Variants in CTNNA3 observed in about 807,000 individuals in gnomAD.
CTNNA3 encodes catenin alpha 3.
CTNNA3 carries 76 observed loss-of-function variants against 95.7 expected under a neutral mutation model. That is an observed-to-expected ratio of 0.79 (90% CI 0.66 to 0.96). CTNNA3 has a LOEUF of 0.96. Among genes scored for constraint, CTNNA3 ranks in the 40% least tolerant of loss-of-function variants. The pLI is 0.00. For synonymous variants in CTNNA3, 431 were observed against 374.4 expected, an observed-to-expected ratio of 1.15 and a Z score of -1.74; for missense variants, 1,191 against 1,089.8, an observed-to-expected ratio of 1.09 and a Z score of -1.31.
At chr10:66,571,794 T>A (rs1842873943) in intron 10 of CTNNA3, among the ~76,000 whole-genome samples, 1 of 152,114 alleles carries the variant, frequency 6.6e-6, no homozygotes, top group Admixed American at 6.5e-5. Flanking sequence ...AACAACCTTG[T>A]TATGCAGTTA....
At chr10:67,464,571 C>T (rs748438553) in intron 5 of CTNNA3, among the ~76,000 whole-genome samples, 3 of 152,112 alleles carry the variant, frequency 2.0e-5, no homozygotes, top group Non-Finnish European at 4.4e-5. Flanking sequence ...AAGAGCCCAG[C>T]AGACCTTTTG....
intron 5 of CTNNA3, among the ~76,000 whole-genome samples, chr10:67,511,089 G>T (rs181501806): frequency 1.2e-4 from 18 of 152,198 alleles, no homozygotes; most frequent in East Asian, 3.9e-4. Context: ...AAGGAGATTT[G>T]GGGCTGAGAC....
intron 7 of CTNNA3, among the ~76,000 whole-genome samples, chr10:66,818,454 A>T (rs1012506555): frequency 1.1e-4 from 16 of 152,256 alleles, no homozygotes; most frequent in African/African-American, 3.6e-4. Context: ...TGTGAAAATC[A>T]TCTCTATATC....
chr10:66,432,339 T>G (rs528224126), intron 11 of CTNNA3, among the ~76,000 whole-genome samples: 9 of 150,786 alleles, frequency 6.0e-5, no homozygotes, highest in Admixed American at 4.7e-4. Flanking sequence ...GCGATACGCA[T>G]TTTTTAAAAT....
chr10:67,566,041 G>GTATATATATATATATATATATATATATA (rs1388066358), intron 3 of CTNNA3, among the ~76,000 whole-genome samples: 23 of 29,420 alleles, frequency 7.8e-4, no homozygotes, highest in South Asian at 2.3e-3. Context: ...ATATGTGTGT[G>GTATATATATATATATATATATATATATA]TGTATATATA....
At chr10:67,199,735 G>A (rs956663505) in intron 6 of CTNNA3, among the ~76,000 whole-genome samples, 8 of 151,968 alleles carry the variant, frequency 5.3e-5, no homozygotes, top group Non-Finnish European at 8.8e-5. Flanking sequence ...TTGGCAAATG[G>A]GATGCAAAAC....
intron 5 of CTNNA3, among the ~76,000 whole-genome samples, chr10:67,319,363 G>T (rs147280540): frequency 2.6e-5 from 4 of 152,138 alleles, no homozygotes; most frequent in African/African-American, 9.6e-5. Context: ...AGTCCTCCTA[G>T]CAAGTCATAG....
chr10:66,814,711 C>T (rs1043338659), intron 7 of CTNNA3, among the ~76,000 whole-genome samples: 43 of 152,040 alleles, frequency 2.8e-4, no homozygotes, highest in Non-Finnish European at 4.7e-4. Flanking sequence ...TTGCAGTGAG[C>T]TGAGATCGCA....
intron 17 of CTNNA3, among the ~76,000 whole-genome samples, chr10:65,944,490 A>G (rs953019924): frequency 6.6e-6 from 1 of 152,262 alleles, no homozygotes; most frequent in African/African-American, 2.4e-5. Context: ...AGCATAATTT[A>G]TCTTCCAGAA....
intron 7 of CTNNA3, among the ~76,000 whole-genome samples, chr10:67,095,440 T>C (rs1273098988): frequency 6.6e-6 from 1 of 151,716 alleles, no homozygotes; most frequent in African/African-American, 2.4e-5. Flanking sequence ...GAAAATAATA[T>C]GTGGGATTTT....
chr10:67,757,119 T>C (rs1020269919), intron 1 of CTNNA3, among the ~76,000 whole-genome samples: 1 of 152,226 alleles, frequency 6.6e-6, no homozygotes, highest in African/African-American at 2.4e-5. Context: ...AGAAAACATC[T>C]GACAGAAACA....
chr10:67,063,700 A>G (rs1222887932), intron 7 of CTNNA3, among the ~76,000 whole-genome samples: 1 of 152,236 alleles, frequency 6.6e-6, no homozygotes, highest in Non-Finnish European at 1.5e-5. Flanking sequence ...TCACACAGAT[A>G]ATTGGCATGA....
chr10:67,605,227 G>A (rs1452451908), intron 3 of CTNNA3, among the ~76,000 whole-genome samples: 4 of 152,206 alleles, frequency 2.6e-5, no homozygotes, highest in African/African-American at 9.6e-5. Flanking sequence ...CAACATGGAT[G>A]AAAGTGAAGA....
At chr10:67,491,272 CAACCATTTATTAAAACATT>C (rs929072957) in intron 5 of CTNNA3, among the ~76,000 whole-genome samples, 9 of 152,112 alleles carry the variant, frequency 5.9e-5, no homozygotes, top group Non-Finnish European at 8.8e-5. Context: ...GTTCATTTGG[CAACCATTTATTAAAACATT>C]AAAAATCAAC....
chr10:66,161,275 G>A (rs1428575377), intron 13 of CTNNA3, among the ~76,000 whole-genome samples: 1 of 152,032 alleles, frequency 6.6e-6, no homozygotes, highest in Non-Finnish European at 1.5e-5. Flanking sequence ...ATTTACTTGT[G>A]TTTTTGTTTT....
At chr10:67,063,397 G>C (rs1435494586) in intron 7 of CTNNA3, among the ~76,000 whole-genome samples, 2 of 152,166 alleles carry the variant, frequency 1.3e-5, no homozygotes, top group Admixed American at 1.3e-4. Context: ...CCTTTAAAAA[G>C]TTAGGGGTCT....
chr10:66,996,664 A>G (rs1220992933), intron 7 of CTNNA3, among the ~76,000 whole-genome samples: 1 of 150,730 alleles, frequency 6.6e-6, no homozygotes, highest in Non-Finnish European at 1.5e-5. Flanking sequence ...AAAAAAAAAA[A>G]AAAAAAAGCA....
chr10:66,650,572 T>C (rs557952188), intron 9 of CTNNA3, among the ~76,000 whole-genome samples: 1 of 152,280 alleles, frequency 6.6e-6, no homozygotes, highest in African/African-American at 2.4e-5. Flanking sequence ...ACCCTCACGA[T>C]GAATGTTACA....
intron 15 of CTNNA3, among the ~76,000 whole-genome samples, chr10:66,009,857 T>A (rs7088794): frequency 0.21 from 32,064 of 152,164 alleles, 3,753 homozygotes; most frequent in East Asian, 0.51. Flanking sequence ...GTAGAGAGAC[T>A]AGCCATGGTC....
Sources: allele counts gnomAD v4.1 joint callset (sites outside exome capture counted in the v4.1 genomes callset), GRCh38; gene constraint gnomAD v4.1.1; transcripts MANE v1.5; gene names NCBI Gene and HGNC (gene_info 2026-07-23, HGNC 2026-07-21).